The following HIF1AN variants were observed in gnomAD, a reference collection of about 807,000 sequenced individuals.
HIF1AN encodes the protein hypoxia-inducible factor 1-alpha inhibitor.
In HIF1AN, 21 loss-of-function variants were observed where a neutral mutation model predicts 47.7. That is an observed-to-expected ratio of 0.44 (90% confidence interval 0.31 to 0.63). HIF1AN has a LOEUF of 0.63. Ranked by LOEUF, HIF1AN falls within the 30% of genes least tolerant of loss-of-function variation. The pLI, the probability that HIF1AN is intolerant of heterozygous loss-of-function variation, is 0.07. For missense variants in HIF1AN, 320 were observed against 432.7 expected (o/e 0.74, Z 2.31); for synonymous variants, 152 against 155.9 (o/e 0.98, Z 0.18).
In HIF1AN at chr10:100,554,970, T is replaced by C. The variant is rs1843202252; in HGVS notation, c.*6833T>C. ...TCCCCATGTGGTGCTCTCAGATCAG[T>C]AGGGGAGACAGGCAGGCAGTTAGAA... On this transcript the variant is annotated 3_prime_UTR_variant, in exon 8 of 8. Coordinates refer to ENST00000299163, the MANE Select transcript of HIF1AN (RefSeq NM_017902.3). The C allele has an allele frequency of 3.9e-5, 6 of 152,272 alleles. No homozygotes were observed. The South Asian group carries it at 1.2e-3, about 32-fold the overall frequency. 9.4% of individuals were successfully genotyped at this position (152,272 alleles called of 1,614,324 possible).
At chr10:100,539,503 C>T (rs910354520) in intron 2 of HIF1AN, among the ~76,000 whole-genome samples, 10 of 152,290 alleles carry the variant, frequency 6.6e-5, no homozygotes, top group East Asian at 1.9e-4. Flanking sequence ...AGCCAGAGCT[C>T]GGGCTAGAAA....
At position 100,548,113 on chromosome 10, in the gene HIF1AN, A is replaced by G. The variant is rs116336193; in HGVS notation, c.1026A>G (p.Thr342=). ...NPQEVGPLLN[T]MIKGRYN is the part of the protein sequence containing the mutation. ...TACAGGTGGGGCCCTTGTTGAACACAATGATCAAGGGCCGATACAACTAGC... is the reference window on the plus strand; with the variant it reads ...TACAGGTGGGGCCCTTGTTGAACACGATGATCAAGGGCCGATACAACTAGC... The change falls in exon 8 of 8, where the codon ACA becomes ACG. Residue 342 remains threonine, a synonymous_variant. Coordinates refer to ENST00000299163, the MANE Select transcript of HIF1AN (RefSeq NM_017902.3). The G allele has an allele frequency of 6.4e-4, 1,026 of 1,613,338 alleles. 9 individuals carry two copies. The African/African-American group carries it at 0.012, about 19-fold the overall frequency.
chr10:100,542,846 G>GTTTTTTTTTTTTTTTTTTTT (rs397730143), intron 3 of HIF1AN, among the ~76,000 whole-genome samples: 1 of 111,762 alleles, frequency 8.9e-6, no homozygotes, highest in Non-Finnish European at 1.7e-5. Flanking sequence ...ATGTGAATGT[G>GTTTTTTTTTTTTTTTTTTTT]TTTTTTTTTT....
At chr10:100,541,466 G>A (rs913340935) in intron 3 of HIF1AN, among the ~76,000 whole-genome samples, 5 of 152,110 alleles carry the variant, frequency 3.3e-5, no homozygotes, top group African/African-American at 1.2e-4. Context: ...AAGATTAAAT[G>A]AAATAATGTA....
At chr10:100,539,181 C>T (rs1013456192) in intron 2 of HIF1AN, among the ~76,000 whole-genome samples, 1 of 152,186 alleles carries the variant, frequency 6.6e-6, no homozygotes, top group African/African-American at 2.4e-5. Context: ...ATCCACCTCC[C>T]TTGGCCTCTC....
In HIF1AN at chr10:100,537,684, C is replaced by T. The variant is rs547956512; in HGVS notation, c.428+1023C>T. The stretch of plus-strand genomic sequence containing the variant: ...AACACTGCCTCTGGGGAATTGCTTT[C>T]GCTCAGTACTTCACGGTGAATTACC... On this transcript the variant is annotated intron_variant, in intron 2 of 7. Transcript: ENST00000299163. Among the ~76,000 whole-genome samples, 106 of 152,338 alleles carry T rather than the reference C, an allele frequency of 7.0e-4. 1 individual carries two copies. Among genetic ancestry groups the T allele is most frequent in the Non-Finnish European group, 2.8e-4 (19 of 68,036 alleles).
Position 100,548,255 on chromosome 10 carries a change from C to T in HIF1AN, c.*118C>T, listed in dbSNP as rs1305553526. Reference sequence around the variant, plus strand: ...CACGCTGCACTTAATGGACTGGACTCTTGCCATGGCCCAGGAGTCAGGTGT... The same window carrying T: ...CACGCTGCACTTAATGGACTGGACTTTTGCCATGGCCCAGGAGTCAGGTGT... On this transcript the variant is annotated 3_prime_UTR_variant, in exon 8 of 8. Transcript: ENST00000299163. 6 of 851,580 alleles carry T rather than the reference C, an allele frequency of 7.0e-6. No homozygotes were observed. The highest frequency in any genetic ancestry group is 8.7e-6 in the Non-Finnish European group (5 of 571,980). The allele number at this position is 851,580 out of a possible 1,614,324, so 52.8% of individuals were successfully genotyped here.
chr10:100,535,993 G>T lies in HIF1AN; in HGVS notation c.35G>T (p.Gly12Val). The T allele has an allele frequency of 1.3e-6, 2 of 1,561,672 alleles. No homozygotes were observed. Among genetic ancestry groups the T allele is most frequent in the South Asian group, 2.3e-5 (2 of 85,374 alleles). The part of the protein sequence containing the change: ...AATAAEAVAS[G>V]SGEPREEAGA... ...ACAGCGGCGGAGGCTGTGGCCTCTG[G>T]CTCTGGAGAGCCCCGGGAGGAGGCT... Residue 12 changes from glycine (G) to valine (V), a missense_variant, in exon 1 of 8, where the codon GGC becomes GTC. Coordinates refer to ENST00000299163, the MANE Select transcript of HIF1AN (RefSeq NM_017902.3).
chr10:100,547,324 C>T, intron 7 of HIF1AN, 74 bp downstream of exon 7: 3 of 870,218 alleles, frequency 3.4e-6, no homozygotes, highest in East Asian at 2.6e-5. Context: ...ACATTCTTTA[C>T]AGCTTCTGTG....
intron 1 of HIF1AN, 95 bp downstream of exon 1, chr10:100,536,230 T>C: frequency 3.7e-6 from 5 of 1,345,460 alleles, no homozygotes; most frequent in Non-Finnish European, 5.1e-6. Flanking sequence ...CTGGCAGGGC[T>C]CTAGACTAGG....
At chr10:100,544,425 A>G (rs1290539416) in intron 3 of HIF1AN, among the ~76,000 whole-genome samples, 2 of 152,182 alleles carry the variant, frequency 1.3e-5, no homozygotes, top group Admixed American at 6.5e-5. Flanking sequence ...AAAAACAAGT[A>G]TTGCATTCGT....
At chr10:100,544,863 C>A in intron 3 of HIF1AN, 88 bp from the exon 4 acceptor site, 1 of 1,269,316 alleles carries the variant, frequency 7.9e-7, no homozygotes, top group Non-Finnish European at 1.1e-6. Flanking sequence ...GGAGGGCAGG[C>A]TGGGTTTCTC....
intron 4 of HIF1AN, 109 bp from the exon 5 acceptor site, chr10:100,545,834 G>T (rs1843087962): frequency 3.1e-6 from 2 of 637,202 alleles, no homozygotes; most frequent in Admixed American, 2.7e-5. Flanking sequence ...TTAAGGCATC[G>T]TTTTTTTTTT....
intron 5 of HIF1AN, 37 bp downstream of exon 5, chr10:100,546,086 C>T: frequency 1.5e-6 from 2 of 1,341,856 alleles, no homozygotes; most frequent in South Asian, 1.2e-5. Flanking sequence ...TTTTTGGGAG[C>T]TTTCTTTTCC....
Position 100,549,923 on chromosome 10 carries a change from GT to G in HIF1AN, c.*1788del, listed in dbSNP as rs1843139088. 6.6e-6 allele frequency: 1 copy of G among 152,122 alleles called. No homozygotes were observed. Among genetic ancestry groups the G allele is most frequent in the Non-Finnish European group, 1.5e-5 (1 of 68,042 alleles). The allele number at this position is 152,122 out of a possible 1,614,324, so 9.4% of individuals were successfully genotyped here. A position where few individuals can be genotyped will look rare whatever the true frequency, so the allele number is the denominator to read the frequency against. ...TTTATTTTTAGTACCCCATTCTGGG[GT>G]TCTCTGATGCAGTGTGGATGTGAAG... On this transcript the variant is annotated 3_prime_UTR_variant, in exon 8 of 8. Coordinates refer to ENST00000299163, the MANE Select transcript of HIF1AN (RefSeq NM_017902.3).
intron 3 of HIF1AN, among the ~76,000 whole-genome samples, chr10:100,544,294 T>C (rs1354019370): frequency 6.6e-6 from 1 of 152,232 alleles, no homozygotes; most frequent in Non-Finnish European, 1.5e-5. Flanking sequence ...AGTGTTGTCT[T>C]GGCTAGATGT....
Position 100,557,696 on chromosome 10 carries a change from G to A in HIF1AN, c.*9559G>A, listed in dbSNP as rs1432007174. 1 of 152,134 alleles carries A rather than the reference G, an allele frequency of 6.6e-6. No homozygotes were observed. Among genetic ancestry groups the A allele is most frequent in the Non-Finnish European group, 1.5e-5 (1 of 68,060 alleles). 9.4% of individuals were successfully genotyped at this position (152,134 alleles called of 1,614,324 possible). A position where few individuals can be genotyped will look rare whatever the true frequency, so the allele number is the denominator to read the frequency against. On this transcript the variant is annotated 3_prime_UTR_variant, in exon 8 of 8. Coordinates refer to ENST00000299163, the MANE Select transcript of HIF1AN (RefSeq NM_017902.3). ...CGACCTCAGGTGATCTGCCTGCCTT[G>A]GCCTCCCAAAGTGCTGGGATTACAG...
Position 100,548,139 on chromosome 10 carries a change from C to T in HIF1AN, c.*2C>T, listed in dbSNP as rs2133729598. On this transcript the variant is annotated 3_prime_UTR_variant, in exon 8 of 8. Transcript: ENST00000299163. ...ATGATCAAGGGCCGATACAACTAGC[C>T]TGCCAGGGGTCAAGGCCTCCTGCCA... The T allele has an allele frequency of 1.2e-6, 2 of 1,608,762 alleles. No individual in the cohort carries two copies. Among genetic ancestry groups the T allele is most frequent in the Non-Finnish European group, 8.5e-7 (1 of 1,177,220 alleles).
At chr10:100,539,485 A>G (rs1241980163) in intron 2 of HIF1AN, among the ~76,000 whole-genome samples, 1 of 152,234 alleles carries the variant, frequency 6.6e-6, no homozygotes, top group Non-Finnish European at 1.5e-5. Flanking sequence ...AAGATAAACT[A>G]GGCTTCAAGC....
Sources: allele counts gnomAD v4.1 joint callset (sites outside exome capture counted in the v4.1 genomes callset), GRCh38; gene constraint gnomAD v4.1.1; transcripts MANE v1.5; gene names NCBI Gene and HGNC (gene_info 2026-07-23, HGNC 2026-07-21).